Variants in ARHGAP17 observed in about 807,000 individuals in gnomAD.
The protein encoded by ARHGAP17 is rho GTPase-activating protein 17.
ARHGAP17 carries 57 observed loss-of-function variants against 99.5 expected under a neutral mutation model. The ratio of observed to expected loss-of-function variants is 0.57; its 90% CI spans 0.46 to 0.71. The LOEUF (loss-of-function observed/expected upper bound fraction) is 0.71, where lower values mean the gene tolerates loss of function less well. ARHGAP17 is among the 30% of genes least tolerant of loss of function. The pLI is 0.00. For synonymous variants in ARHGAP17, 417 were observed against 429.6 expected (o/e 0.97, Z 0.36); for missense variants, 1,000 against 1,122.4 (o/e 0.89, Z 1.56).
At chr16:24,940,789 C>G (rs1009371388) in intron 16 of ARHGAP17, among the ~76,000 whole-genome samples, 1 of 152,298 alleles carries the variant, frequency 6.6e-6, no homozygotes, top group African/African-American at 2.4e-5. Flanking sequence ...GGAAGGCTGA[C>G]TTTTCACTTA....
rs180744335 is a variant in ARHGAP17 at position 24,973,458 on chromosome 16, T to C, written c.199-2878A>G. ...GTAACTCCTCTTCCCAAGTGCAAAG[T>C]GTAGGCATCCTCAAAGCCCTGTCTT... is the stretch of plus-strand genomic sequence containing the variant. On this transcript the variant is annotated intron_variant, in intron 3 of 19. Coordinates refer to ENST00000289968, the MANE Select transcript of ARHGAP17 (RefSeq NM_001006634.3). Among the ~76,000 whole-genome samples the C allele has an allele frequency of 7.2e-5, 11 of 152,296 alleles. No homozygotes were observed. The South Asian group carries it at 1.7e-3, about 23-fold the overall frequency.
At chr16:24,939,652 A>T in intron 16 of ARHGAP17, 55 bp from the exon 17 acceptor site, 2 of 1,522,438 alleles carry the variant, frequency 1.3e-6, no homozygotes, top group South Asian at 2.4e-5. Context: ...ACTGAGACAG[A>T]AGCCCATCGG....
chr16:24,961,381 C>A (rs142769589), intron 7 of ARHGAP17, among the ~76,000 whole-genome samples: 2 of 151,484 alleles, frequency 1.3e-5, no homozygotes, highest in East Asian at 3.9e-4. Context: ...TGAACAGTGA[C>A]AGGCTGAGTG....
intron 1 of ARHGAP17, among the ~76,000 whole-genome samples, chr16:24,980,658 T>G (rs1053030682): frequency 4.6e-5 from 7 of 152,044 alleles, no homozygotes; most frequent in Non-Finnish European, 7.4e-5. Context: ...AGAACCAGAC[T>G]CAAAAAGAAA....
chr16:24,926,652 T>C (rs112714056), intron 19 of ARHGAP17, among the ~76,000 whole-genome samples: 26 of 152,368 alleles, frequency 1.7e-4, no homozygotes, highest in African/African-American at 6.3e-4. Context: ...CAGCAAAGTG[T>C]CCAGGCTTAT....
intron 9 of ARHGAP17, among the ~76,000 whole-genome samples, chr16:24,958,020 G>A (rs1023383524): frequency 6.6e-6 from 1 of 151,488 alleles, no homozygotes; most frequent in Non-Finnish European, 1.5e-5. Flanking sequence ...GACAGGCAGA[G>A]GTGGGAGGGG....
chr16:24,935,569 A>C lies in ARHGAP17; in HGVS notation c.1795T>G (p.Ser599Ala), dbSNP rs769282100. Reference protein sequence around the residue: ...APGRNNSQIASGQNQPQAAAG... With the variant: ...APGRNNSQIAAGQNQPQAAAG... ...GCTGCCTGGGGCTGATTTTGGCCAG[A>C]TGCTATCTGACTGTTGTTTCTCCCT... The change falls in exon 18 of 20, where the codon TCT (serine) becomes GCT (alanine). Residue 599 changes from serine to alanine, a missense_variant. Physicochemically the swap from Ser to Ala is moderately conservative, Grantham distance 99. Transcript: ENST00000289968. 2.5e-6 allele frequency: 4 copies of C among 1,614,142 alleles called. No homozygotes were observed. Among genetic ancestry groups the C allele is most frequent in the Non-Finnish European group, 3.4e-6 (4 of 1,180,038 alleles).
intron 19 of ARHGAP17, among the ~76,000 whole-genome samples, chr16:24,930,232 G>C (rs2050946146): frequency 6.6e-6 from 1 of 152,150 alleles, no homozygotes; most frequent in African/African-American, 2.4e-5. Flanking sequence ...ACAGTGCCCT[G>C]AGATCTCCCT....
chr16:24,948,111 A>G (rs2051527077), intron 13 of ARHGAP17, among the ~76,000 whole-genome samples: 2 of 152,248 alleles, frequency 1.3e-5, no homozygotes, highest in Non-Finnish European at 2.9e-5. Flanking sequence ...AATAAATCAC[A>G]GTATATCCAT....
chr16:24,923,326 A>G (rs1287169499), intron 19 of ARHGAP17, among the ~76,000 whole-genome samples: 1 of 152,244 alleles, frequency 6.6e-6, no homozygotes, highest in East Asian at 1.9e-4. Flanking sequence ...TGGTTATTTC[A>G]GAAAGACACC....
intron 19 of ARHGAP17, among the ~76,000 whole-genome samples, chr16:24,928,678 G>A (rs2050903422): frequency 6.6e-6 from 1 of 152,166 alleles, no homozygotes; most frequent in Admixed American, 6.5e-5. Context: ...CCTAAGCTGT[G>A]AGCACTCTGG....
intron 16 of ARHGAP17, among the ~76,000 whole-genome samples, chr16:24,941,214 C>G (rs1228251567): frequency 6.6e-6 from 1 of 152,164 alleles, no homozygotes; most frequent in Non-Finnish European, 1.5e-5. Context: ...AAGAGCTTGT[C>G]ACTTCGTTTT....
At position 24,930,315 on chromosome 16, in the gene ARHGAP17, C is replaced by T. The variant is rs77565239; in HGVS notation, c.2515+469G>A. On this transcript the variant is annotated intron_variant, in intron 19 of 19. Coordinates refer to ENST00000289968, the MANE Select transcript of ARHGAP17 (RefSeq NM_001006634.3). ...TGAAATTCTGTACTTAATATGAACA[C>T]TTTTACTCTTAGAAGTACTGTTTAA... Among the ~76,000 whole-genome samples the T allele has an allele frequency of 5.2e-4, 79 of 152,342 alleles. No individual in the cohort carries two copies. The East Asian group carries it at 0.014, about 28-fold the overall frequency.
chr16:24,977,102 A>G lies in ARHGAP17; in HGVS notation c.198+113T>C, dbSNP rs2052541573. The G allele has an allele frequency of 8.7e-6, 6 of 691,782 alleles. No individual in the cohort carries two copies. In the South Asian group the frequency reaches 2.6e-4, roughly 30 times the overall value. 42.9% of individuals were successfully genotyped at this position (691,782 alleles called of 1,614,324 possible). ...GTGTCATGAGCGTGCTTGGTGATAG[A>G]AGTCACCAAAGGCTGATCCACTGAT... On this transcript the variant is annotated intron_variant, in intron 3 of 19. Transcript: ENST00000289968.
At chr16:24,947,626 T>C (rs1364322864) in intron 13 of ARHGAP17, 31 bp from the exon 14 acceptor site, 10 of 1,557,596 alleles carry the variant, frequency 6.4e-6, no homozygotes, top group Non-Finnish European at 8.8e-6. Context: ...GGAGGGTTTC[T>C]CCTCTGAAAT....
intron 19 of ARHGAP17, chr16:24,927,802 G>C: frequency 1.7e-6 from 1 of 587,448 alleles, no homozygotes; most frequent in Non-Finnish European, 2.5e-6. Flanking sequence ...AAAATAGCAA[G>C]ATGTAAACTC....
chr16:24,969,738 G>A (rs1316301555), intron 4 of ARHGAP17, among the ~76,000 whole-genome samples: 3 of 152,200 alleles, frequency 2.0e-5, no homozygotes, highest in African/African-American at 7.2e-5. Flanking sequence ...GAAGGAGGAT[G>A]CTGGCAGGTG....
chr16:25,003,837 C>G (rs1303944050), intron 1 of ARHGAP17, among the ~76,000 whole-genome samples: 10 of 150,944 alleles, frequency 6.6e-5, no homozygotes, highest in Non-Finnish European at 1.2e-4. Context: ...AAAAAAAAAG[C>G]TTTGAAGAAC....
At chr16:24,988,429 T>C (rs2052939348) in intron 1 of ARHGAP17, among the ~76,000 whole-genome samples, 1 of 152,198 alleles carries the variant, frequency 6.6e-6, no homozygotes, top group South Asian at 2.1e-4. Flanking sequence ...GGCAATGACG[T>C]GGGAAAAATA....
Sources: gnomAD v4.1 joint callset for allele counts (sites outside exome capture counted in the v4.1 genomes callset) on GRCh38, gnomAD v4.1.1 for gene constraint, MANE v1.5 for transcripts, NCBI Gene and HGNC (gene_info 2026-07-23, HGNC 2026-07-21) for gene names.